The following FNDC3A variants were observed in gnomAD, a reference collection of about 807,000 sequenced individuals.
FNDC3A encodes fibronectin type III domain containing 3A, also known as fibronectin type-III domain-containing protein 3A.
A neutral mutation model predicts 148.9 loss-of-function variants in FNDC3A; 32 were observed. The ratio of observed to expected loss-of-function variants is 0.21; its 90% CI spans 0.16 to 0.29. The LOEUF is 0.29. Ranked by LOEUF, FNDC3A falls within the 10% of genes least tolerant of loss-of-function variation. The pLI, the probability that FNDC3A is intolerant of heterozygous loss-of-function variation, is 1.00. For missense variants in FNDC3A, 1,191 were observed against 1,452.8 expected (o/e 0.82, Z 2.93); for synonymous variants, 472 against 473.6 (o/e 1.00, Z 0.04).
chr13:49,183,847 A>C (rs566058603), intron 14 of FNDC3A, among the ~76,000 whole-genome samples: 1 of 152,322 alleles, frequency 6.6e-6, no homozygotes, highest in South Asian at 2.1e-4. Flanking sequence ...ATCCTTGTGT[A>C]TGGTGTTATA....
rs758699776 is a variant in FNDC3A, at chr13:49,145,939, G to C, written c.977+4G>C. 6.3e-6 allele frequency: 10 copies of C among 1,597,486 alleles called. No homozygotes were observed. The South Asian group carries it at 8.0e-5, about 13-fold the overall frequency. On this transcript the variant is annotated splice_donor_region_variant and intron_variant, in intron 8 of 25. Coordinates refer to ENST00000492622, the MANE Select transcript of FNDC3A (RefSeq NM_001079673.2). ...GGAAATACAAAAGTGTATATGTGTA[G>C]GTATTTGTTGTTTTGCTTTCTCCCA...
rs142297504 is a variant in FNDC3A, at chr13:49,177,271, AGAT to A, written c.1531-1294_1531-1292del. Among the ~76,000 whole-genome samples, 827 of 152,326 alleles carry A rather than the reference AGAT, an allele frequency of 5.4e-3. 4 individuals are homozygous for A. The highest frequency in any genetic ancestry group is 0.027 in the Middle Eastern group (8 of 294). On this transcript the variant is annotated intron_variant, in intron 13 of 25. Coordinates refer to ENST00000492622, the MANE Select transcript of FNDC3A (RefSeq NM_001079673.2). ...GCCTTCTTGACTAAGCAGCTCTAAA[AGAT>A]GAGGAAATATTGGGTCTGCCTTTCT...
chr13:49,076,639 A>G (rs886926517), intron 3 of FNDC3A, among the ~76,000 whole-genome samples: 1 of 152,000 alleles, frequency 6.6e-6, no homozygotes, highest in Non-Finnish European at 1.5e-5. Context: ...TACACGGGTA[A>G]TGTACTCTAA....
At chr13:49,196,739 C>G (rs184183448) in intron 19 of FNDC3A, 138 bp from the exon 20 acceptor site, 140 of 504,720 alleles carry the variant, frequency 2.8e-4, no homozygotes, top group African/African-American at 2.0e-3. Context: ...AATGTGAATA[C>G]TTATAGAATT....
At position 49,075,308 on chromosome 13, in the gene FNDC3A, A is replaced by G. The variant is rs1878021448; in HGVS notation, c.119A>G (p.Asn40Ser). The change falls in exon 3 of 26, where the codon AAC (asparagine) becomes AGC (serine). Residue 40 changes from asparagine (N) to serine (S), a missense_variant. By Grantham distance (46) the Asn-to-Ser change is conservative. Coordinates refer to ENST00000492622, the MANE Select transcript of FNDC3A (RefSeq NM_001079673.2). ...TTTAAGGTTATTCTGGTACAAGTTA[A>G]CCCAGGAGAAGCATTTACAATAAGA... ...GTQQVILVQV[N>S]PGEAFTIRRE... 3.1e-6 allele frequency: 5 copies of G among 1,602,236 alleles called. No individual in the cohort carries two copies. The highest frequency in any genetic ancestry group is 3.4e-6 in the Non-Finnish European group (4 of 1,169,960).
intron 1 of FNDC3A, among the ~76,000 whole-genome samples, chr13:48,982,187 C>G (rs1951705530): frequency 6.6e-6 from 1 of 152,010 alleles, no homozygotes; most frequent in Non-Finnish European, 1.5e-5. Context: ...ATCAGTTTTT[C>G]TTAAGATTTG....
chr13:49,043,583 G>A (rs1875123067), intron 2 of FNDC3A, among the ~76,000 whole-genome samples: 1 of 152,114 alleles, frequency 6.6e-6, no homozygotes, highest in South Asian at 2.1e-4. Context: ...ATGCTGTCAT[G>A]ATAGTGTAAT....
At chr13:48,999,247 T>C (rs1419951219) in intron 1 of FNDC3A, among the ~76,000 whole-genome samples, 1 of 152,218 alleles carries the variant, frequency 6.6e-6, no homozygotes, top group African/African-American at 2.4e-5. Context: ...AAGCAGAGCA[T>C]TGAATCAAAG....
intron 25 of FNDC3A, among the ~76,000 whole-genome samples, chr13:49,205,074 G>T (rs1886587972): frequency 6.6e-6 from 1 of 152,122 alleles, no homozygotes. Context: ...GCTCCCTTCA[G>T]TCCTTCACAC....
At chr13:48,978,646 G>T (rs1566170296) in intron 1 of FNDC3A, among the ~76,000 whole-genome samples, 1 of 150,902 alleles carries the variant, frequency 6.6e-6, no homozygotes, top group East Asian at 1.9e-4. Context: ...AGTGTTTCTG[G>T]TTTTTTTTTG....
chr13:49,152,760 T>G (rs1883395150), intron 8 of FNDC3A, among the ~76,000 whole-genome samples: 1 of 149,012 alleles, frequency 6.7e-6, no homozygotes. Context: ...TGAGTGAGAA[T>G]ATGCGGTGTT....
At chr13:49,043,688 G>A (rs1223201876) in intron 2 of FNDC3A, among the ~76,000 whole-genome samples, 2 of 151,204 alleles carry the variant, frequency 1.3e-5, no homozygotes, top group Non-Finnish European at 1.5e-5. Context: ...AAGTCTTAAG[G>A]TTTATTTATA....
At chr13:49,062,949 T>A (rs1486591607) in intron 2 of FNDC3A, among the ~76,000 whole-genome samples, 3 of 152,226 alleles carry the variant, frequency 2.0e-5, no homozygotes, top group Non-Finnish European at 4.4e-5. Context: ...TAACTTAAAA[T>A]AGGTCTGTTT....
intron 1 of FNDC3A, among the ~76,000 whole-genome samples, chr13:49,001,478 C>T (rs895465635): frequency 6.6e-6 from 1 of 152,218 alleles, no homozygotes; most frequent in Non-Finnish European, 1.5e-5. Flanking sequence ...TAACCTTAAA[C>T]TCTGACTGCC....
At chr13:49,001,902 C>T (rs1014871819) in intron 1 of FNDC3A, among the ~76,000 whole-genome samples, 11 of 152,146 alleles carry the variant, frequency 7.2e-5, no homozygotes, top group Admixed American at 2.6e-4. Context: ...CCTTGTGAAG[C>T]GTGTGATCTC....
intron 3 of FNDC3A, among the ~76,000 whole-genome samples, chr13:49,079,340 A>G (rs1335899639): frequency 6.6e-6 from 1 of 152,236 alleles, no homozygotes; most frequent in Non-Finnish European, 1.5e-5. Context: ...AAAAAAAGGG[A>G]AAATTAACAG....
At chr13:49,017,690 C>G (rs1293498668) in intron 2 of FNDC3A, among the ~76,000 whole-genome samples, 1 of 151,702 alleles carries the variant, frequency 6.6e-6, no homozygotes, top group Non-Finnish European at 1.5e-5. Flanking sequence ...CAGTTTCTTC[C>G]TATTCTCGAT....
At chr13:49,010,497 A>G (rs750306554) in intron 2 of FNDC3A, among the ~76,000 whole-genome samples, 23 of 152,244 alleles carry the variant, frequency 1.5e-4, no homozygotes, top group Non-Finnish European at 2.9e-4. Flanking sequence ...AAATAGGGTT[A>G]ATATAATTGG....
chr13:49,172,216 T>C, intron 11 of FNDC3A, 120 bp downstream of exon 11: 1 of 609,912 alleles, frequency 1.6e-6, no homozygotes, highest in Non-Finnish European at 2.9e-6. Flanking sequence ...TATGAATGAT[T>C]TTGTGTGGTG....
Sources: gnomAD v4.1 joint callset for allele counts (sites outside exome capture counted in the v4.1 genomes callset) on GRCh38, gnomAD v4.1.1 for gene constraint, MANE v1.5 for transcripts, NCBI Gene and HGNC (gene_info 2026-07-23, HGNC 2026-07-21) for gene names.